Variants in NIPAL2 observed in about 807,000 individuals in gnomAD.
NIPAL2 encodes NIPA like domain containing 2.
A neutral mutation model predicts 48.9 loss-of-function variants in NIPAL2; 43 were observed. That is an observed-to-expected ratio of 0.88 (90% CI 0.69 to 1.13). The LOEUF is 1.13. Among genes scored for constraint, NIPAL2 ranks in the 50% most tolerant of loss-of-function variants. The pLI is 0.00. For synonymous variants in NIPAL2, 167 were observed against 174.6 expected, an observed-to-expected ratio of 0.96 and a Z score of 0.34; for missense variants, 446 against 461.4, an observed-to-expected ratio of 0.97 and a Z score of 0.31.
chr8:98,249,533 C>T (rs900120372), intron 3 of NIPAL2, among the ~76,000 whole-genome samples: 1 of 150,236 alleles, frequency 6.7e-6, no homozygotes, highest in Non-Finnish European at 1.5e-5. Flanking sequence ...ACATGTCAAT[C>T]ATATGACATG....
At chr8:98,289,815 C>T (rs1263382939) in intron 1 of NIPAL2, among the ~76,000 whole-genome samples, 1 of 152,150 alleles carries the variant, frequency 6.6e-6, no homozygotes, top group Non-Finnish European at 1.5e-5. Flanking sequence ...CTCTACTCAG[C>T]CCTTTGATTA....
chr8:98,240,222 G>A (rs1476771318), intron 3 of NIPAL2, among the ~76,000 whole-genome samples: 1 of 152,124 alleles, frequency 6.6e-6, no homozygotes, highest in Non-Finnish European at 1.5e-5. Flanking sequence ...ACATGTTTGG[G>A]CAGAGACTCA....
chr8:98,196,826 A>G (rs1214908657), intron 8 of NIPAL2, among the ~76,000 whole-genome samples: 1 of 152,222 alleles, frequency 6.6e-6, no homozygotes, highest in Non-Finnish European at 1.5e-5. Context: ...GAGAAATGAC[A>G]AGACAGAGAC....
chr8:98,217,658 C>G (rs1811641398), intron 5 of NIPAL2, among the ~76,000 whole-genome samples: 1 of 152,068 alleles, frequency 6.6e-6, no homozygotes, highest in African/African-American at 2.4e-5. Flanking sequence ...TTTAGAGATG[C>G]AATTATATAA....
At chr8:98,232,973 A>G (rs1489567983) in intron 4 of NIPAL2, among the ~76,000 whole-genome samples, 1 of 152,124 alleles carries the variant, frequency 6.6e-6, no homozygotes, top group African/African-American at 2.4e-5. Flanking sequence ...AAAGATGAGG[A>G]ATTAGGCCAG....
At chr8:98,222,154 A>G (rs1039709864) in intron 5 of NIPAL2, among the ~76,000 whole-genome samples, 1 of 152,218 alleles carries the variant, frequency 6.6e-6, no homozygotes, top group Non-Finnish European at 1.5e-5. Context: ...AATAAAGTTC[A>G]GTAAAGCAAA....
intron 1 of NIPAL2, among the ~76,000 whole-genome samples, chr8:98,271,627 T>C (rs1478035492): frequency 6.6e-6 from 1 of 152,150 alleles, no homozygotes; most frequent in Non-Finnish European, 1.5e-5. Flanking sequence ...TATAGAGTCA[T>C]ATCGTCAGTG....
chr8:98,242,508 A>G (rs1315114266), intron 3 of NIPAL2, among the ~76,000 whole-genome samples: 1 of 27,194 alleles, frequency 3.7e-5, no homozygotes, highest in South Asian at 1.2e-3. Flanking sequence ...TTTTTTTTTT[A>G]ACTGAGCCTG....
chr8:98,222,789 T>G (rs1259144376), intron 4 of NIPAL2, among the ~76,000 whole-genome samples, 189 bp from the exon 5 acceptor site: 1 of 152,236 alleles, frequency 6.6e-6, no homozygotes, highest in Non-Finnish European at 1.5e-5. Context: ...TACAGGGGAA[T>G]AGAGCCGGGG....
chr8:98,201,405 G>A (rs1337332170), intron 8 of NIPAL2, among the ~76,000 whole-genome samples: 2 of 152,080 alleles, frequency 1.3e-5, no homozygotes, highest in African/African-American at 2.4e-5. Flanking sequence ...TTTTTTTAGA[G>A]ATGGGGTCCG....
At chr8:98,255,132 C>G (rs776328863) in intron 1 of NIPAL2, among the ~76,000 whole-genome samples, 1 of 152,086 alleles carries the variant, frequency 6.6e-6, no homozygotes, top group Non-Finnish European at 1.5e-5. Context: ...TTAATAAACA[C>G]CTGCTTGAAA....
intron 1 of NIPAL2, among the ~76,000 whole-genome samples, chr8:98,288,537 G>A (rs889172245): frequency 7.2e-4 from 109 of 151,438 alleles, no homozygotes; most frequent in African/African-American, 2.6e-3. Flanking sequence ...ATGATTTATA[G>A]TCCTTTGGGT....
At chr8:98,239,750 GA>G (rs967591281) in intron 3 of NIPAL2, among the ~76,000 whole-genome samples, 6 of 151,838 alleles carry the variant, frequency 4.0e-5, no homozygotes, top group African/African-American at 4.8e-5. Context: ...AAAAAGGCAA[GA>G]AAAAAAGAAC....
At chr8:98,231,485 C>G (rs1046850155) in intron 4 of NIPAL2, among the ~76,000 whole-genome samples, 2 of 152,132 alleles carry the variant, frequency 1.3e-5, no homozygotes, top group African/African-American at 4.8e-5. Context: ...TCCATGATGA[C>G]TCTATCTGGT....
At chr8:98,258,651 C>T (rs1363461083) in intron 1 of NIPAL2, among the ~76,000 whole-genome samples, 1 of 152,186 alleles carries the variant, frequency 6.6e-6, no homozygotes, top group African/African-American at 2.4e-5. Flanking sequence ...TTGGCCAATA[C>T]CAGAAGCCAT....
At chr8:98,216,219 C>A (rs985381144) in intron 5 of NIPAL2, among the ~76,000 whole-genome samples, 3 of 152,044 alleles carry the variant, frequency 2.0e-5, no homozygotes, top group African/African-American at 7.2e-5. Flanking sequence ...GCCTGTGCAC[C>A]CCAGAAGTGA....
intron 4 of NIPAL2, among the ~76,000 whole-genome samples, chr8:98,233,024 C>CTA (rs1812517381): frequency 6.6e-6 from 1 of 152,090 alleles, no homozygotes; most frequent in South Asian, 2.1e-4. Flanking sequence ...CTTTGGGAGG[C>CTA]AGAGGTGCGT....
chr8:98,252,244 A>T, intron 3 of NIPAL2: 1 of 469,816 alleles, frequency 2.1e-6, no homozygotes, highest in Admixed American at 3.8e-5. Context: ...AGGCTTTCAC[A>T]CATAGGTGTT....
chr8:98,229,938 A>G (rs1373351177), intron 4 of NIPAL2, among the ~76,000 whole-genome samples: 1 of 152,210 alleles, frequency 6.6e-6, no homozygotes, highest in African/African-American at 2.4e-5. Context: ...GTTGTATAGT[A>G]TATGACATAT....
Sources: gnomAD v4.1 joint callset for allele counts (sites outside exome capture counted in the v4.1 genomes callset) on GRCh38, gnomAD v4.1.1 for gene constraint, MANE v1.5 for transcripts, NCBI Gene and HGNC (gene_info 2026-07-23, HGNC 2026-07-21) for gene names.